The following KANSL1 variants were observed in gnomAD, a reference collection of about 807,000 sequenced individuals.
KANSL1 encodes MLL1/MLL complex subunit KANSL1.
KANSL1 carries 22 observed loss-of-function variants against 103.6 expected under a neutral mutation model. The ratio of observed to expected loss-of-function variants is 0.21; its 90% CI spans 0.15 to 0.30. The LOEUF (loss-of-function observed/expected upper bound fraction) is 0.30, where lower values mean the gene tolerates loss of function less well. Ranked by LOEUF, KANSL1 falls within the 10% of genes least tolerant of loss-of-function variation. The pLI is 1.00. For synonymous variants in KANSL1, 600 were observed against 527.6 expected (o/e 1.14, Z -1.88); for missense variants, 1,337 against 1,399.8 (o/e 0.96, Z 0.72).
intron 2 of KANSL1, among the ~76,000 whole-genome samples, chr17:46,102,399 G>A (rs745713509): frequency 4.6e-5 from 7 of 152,190 alleles, no homozygotes; most frequent in Non-Finnish European, 8.8e-5. Context: ...ACAGGTGCCT[G>A]TCACCATGCC....
chr17:46,117,351 T>C (rs545787795), intron 2 of KANSL1, among the ~76,000 whole-genome samples: 3 of 152,354 alleles, frequency 2.0e-5, no homozygotes, highest in South Asian at 2.1e-4. Flanking sequence ...GAAGAAACTA[T>C]CTCACAAATT....
chr17:46,067,623 A>G lies in KANSL1; in HGVS notation c.1578T>C (p.Ile526=), dbSNP rs1159080461. The G allele has an allele frequency of 1.2e-6, 2 of 1,607,312 alleles. No individual in the cohort carries two copies. Among genetic ancestry groups the G allele is most frequent in the Non-Finnish European group, 8.5e-7 (1 of 1,173,790 alleles). Residue 526 remains isoleucine (I), a synonymous_variant, in exon 5 of 15, where the codon ATT becomes ATC. Coordinates refer to ENST00000432791, the MANE Select transcript of KANSL1 (RefSeq NM_015443.4). ...ACAGTGACTCTGAAATATGACCAAT[A>G]ATAGGGGCACCATGGTTTTCCAATG... ...SQPLENHGAP[I]IGHISESLST... is the part of the protein sequence containing the mutation.
chr17:46,160,274 G>A (rs534212350), intron 2 of KANSL1, among the ~76,000 whole-genome samples: 2 of 152,060 alleles, frequency 1.3e-5, no homozygotes, highest in Non-Finnish European at 2.9e-5. Context: ...ATGTTAGTCT[G>A]CCCTAGCAAA....
intron 1 of KANSL1, among the ~76,000 whole-genome samples, chr17:46,213,467 A>ATTTT (rs748428844): frequency 2.2e-5 from 3 of 136,410 alleles, no homozygotes; most frequent in Admixed American, 7.6e-5. Context: ...CGCCCGGCTA[A>ATTTT]TTTTTTTTTT....
At position 46,096,373 on chromosome 17, in the gene KANSL1, G is replaced by A. The variant is rs184994457; in HGVS notation, c.1290-1672C>T. 9.1e-4 allele frequency among the ~76,000 whole-genome samples: 125 copies of A among 137,112 alleles called. No individual in the cohort carries two copies. In the East Asian group the frequency reaches 0.023, roughly 25 times the overall value. 90.0% of individuals were successfully genotyped at this position (137,112 alleles called of 152,430 possible). A position where few individuals can be genotyped will look rare whatever the true frequency, so the allele number is the denominator to read the frequency against. ...TCACTCTGGTTGCCCAGGCTGGAGTGCAATGGCGCAATCTTGGCTCACCAC... is the reference window on the plus strand; with the variant it reads ...TCACTCTGGTTGCCCAGGCTGGAGTACAATGGCGCAATCTTGGCTCACCAC... On this transcript the variant is annotated intron_variant, in intron 2 of 14. Transcript: ENST00000432791.
At chr17:46,082,731 C>A (rs1320747403) in intron 3 of KANSL1, among the ~76,000 whole-genome samples, 189 bp from the exon 4 acceptor site, 1 of 152,078 alleles carries the variant, frequency 6.6e-6, no homozygotes. Flanking sequence ...GCAGCAGACC[C>A]AGGCTCCCCT....
At chr17:46,210,499 A>ATAAATACGTGAATAT (rs1567806897) in intron 1 of KANSL1, among the ~76,000 whole-genome samples, 4 of 79,806 alleles carry the variant, frequency 5.0e-5, no homozygotes, top group Non-Finnish European at 4.5e-5. Flanking sequence ...AAAAAAAAAA[A>ATAAATACGTGAATAT]AAAGACCTGA....
At chr17:46,097,869 C>G (rs1188525476) in intron 2 of KANSL1, among the ~76,000 whole-genome samples, 2 of 149,512 alleles carry the variant, frequency 1.3e-5, no homozygotes, top group Non-Finnish European at 2.9e-5. Context: ...TGAATTAATA[C>G]TTAATCATAC....
At chr17:46,071,456 T>C (rs145919426) in intron 4 of KANSL1, among the ~76,000 whole-genome samples, 3 of 152,262 alleles carry the variant, frequency 2.0e-5, no homozygotes, top group Admixed American at 1.3e-4. Context: ...CAGTGTTCCA[T>C]TTGGAAAAAG....
At chr17:46,098,815 A>G (rs571233430) in intron 2 of KANSL1, among the ~76,000 whole-genome samples, 6 of 152,364 alleles carry the variant, frequency 3.9e-5, no homozygotes, top group Non-Finnish European at 7.3e-5. Context: ...ATCATCTCCA[A>G]TGAAAAATGG....
intron 2 of KANSL1, among the ~76,000 whole-genome samples, chr17:46,159,993 A>G (rs1236022240): frequency 6.6e-6 from 1 of 152,200 alleles, no homozygotes; most frequent in African/African-American, 2.4e-5. Context: ...AGGTTGCTCC[A>G]TTTCTCAAAA....
intron 2 of KANSL1, among the ~76,000 whole-genome samples, chr17:46,161,594 C>T (rs569467904): frequency 3.9e-5 from 6 of 152,262 alleles, no homozygotes; most frequent in Middle Eastern, 3.4e-3. Flanking sequence ...AGAAACAAAC[C>T]GGAAATAGCA....
chr17:46,096,317 T>TCTTTC (rs1426696853), intron 2 of KANSL1, among the ~76,000 whole-genome samples: 2 of 133,304 alleles, frequency 1.5e-5, no homozygotes, highest in Non-Finnish European at 3.2e-5. Flanking sequence ...TTTTCTTTTT[T>TCTTTC]TTTTTTTTTT....
intron 6 of KANSL1, among the ~76,000 whole-genome samples, chr17:46,064,195 C>T (rs2078290898): frequency 1.3e-5 from 2 of 151,942 alleles, no homozygotes; most frequent in Admixed American, 1.3e-4. Context: ...AATGGTATCG[C>T]CTGACAGTCA....
intron 1 of KANSL1, among the ~76,000 whole-genome samples, chr17:46,199,329 T>C (rs1344213444): frequency 6.6e-6 from 1 of 152,210 alleles, no homozygotes; most frequent in Non-Finnish European, 1.5e-5. Context: ...TAAACCATAC[T>C]ACCTATTTCA....
intron 1 of KANSL1, among the ~76,000 whole-genome samples, chr17:46,176,271 T>A (rs2046514273): frequency 6.6e-6 from 1 of 152,166 alleles, no homozygotes; most frequent in Non-Finnish European, 1.5e-5. Context: ...CCAGCACAAA[T>A]GAAAAAGAGG....
chr17:46,141,740 T>C (rs1288925305), intron 2 of KANSL1, among the ~76,000 whole-genome samples: 1 of 152,262 alleles, frequency 6.6e-6, no homozygotes, highest in Non-Finnish European at 1.5e-5. Context: ...GTATGTCTTA[T>C]GCAACTTCCA....
Position 46,039,108 on chromosome 17 carries a change from A to G in KANSL1, c.2311T>C (p.Leu771=), listed in dbSNP as rs1376216700. The G allele has an allele frequency of 1.2e-6, 2 of 1,612,562 alleles. No individual in the cohort carries two copies. ...ERVTAPKAER[L]LNPPPPVHDP... ...TGCACGGGTGGTGGTGGGTTGAGCA[A>G]GCGCTCTGCTTTTGGCGCTGTCACT... Residue 771 remains leucine (L), a synonymous_variant, in exon 9 of 15, where the codon TTG becomes CTG. Transcript: ENST00000432791.
chr17:46,098,448 C>T (rs1208151920), intron 2 of KANSL1, among the ~76,000 whole-genome samples: 1 of 152,200 alleles, frequency 6.6e-6, no homozygotes, highest in Non-Finnish European at 1.5e-5. Flanking sequence ...GTTTAAGGAA[C>T]CATGCAGCTC....
Sources: allele counts gnomAD v4.1 joint callset (sites outside exome capture counted in the v4.1 genomes callset), GRCh38; gene constraint gnomAD v4.1.1; transcripts MANE v1.5; gene names NCBI Gene and HGNC (gene_info 2026-07-23, HGNC 2026-07-21).